TOX: variants seen among roughly 807,000 people sequenced by gnomAD.
The protein encoded by TOX is thymocyte selection associated high mobility group box, also known as thymocyte selection-associated high mobility group box protein TOX.
A neutral mutation model predicts 53.7 loss-of-function variants in TOX; 11 were observed. The observed-to-expected ratio is 0.20, with a 90% confidence interval of 0.13 to 0.34. TOX has a LOEUF of 0.34. Among genes scored for constraint, TOX ranks in the 10% least tolerant of loss-of-function variants. TOX has a pLI of 1.00. For synonymous variants in TOX, 225 were observed against 245.3 expected (o/e 0.92, Z 0.77); for missense variants, 570 against 664.6 (o/e 0.86, Z 1.56).
intron 3 of TOX, among the ~76,000 whole-genome samples, chr8:58,863,284 A>G (rs538254938): frequency 1.4e-4 from 22 of 152,154 alleles, no homozygotes; most frequent in Non-Finnish European, 3.1e-4. Flanking sequence ...TCCTCATATC[A>G]GTTTCCTCAA....
chr8:58,853,089 A>C (rs11998693), intron 3 of TOX, among the ~76,000 whole-genome samples: 25,430 of 152,040 alleles, frequency 0.17, 4,152 homozygotes, highest in African/African-American at 0.42. Flanking sequence ...CACAGCCCCC[A>C]TGTGTGCCCT....
At chr8:59,069,295 C>T (rs1018103261) in intron 1 of TOX, among the ~76,000 whole-genome samples, 6 of 152,110 alleles carry the variant, frequency 3.9e-5, no homozygotes, top group African/African-American at 1.4e-4. Flanking sequence ...AGGATCCCTC[C>T]GTGGATGCTG....
At chr8:58,907,113 G>A (rs936452468) in intron 3 of TOX, among the ~76,000 whole-genome samples, 3 of 152,164 alleles carry the variant, frequency 2.0e-5, no homozygotes, top group Non-Finnish European at 4.4e-5. Flanking sequence ...AGGTTTCTCC[G>A]ACTTCTCCAT....
At chr8:59,053,690 G>C (rs1354969419) in intron 1 of TOX, among the ~76,000 whole-genome samples, 1 of 152,176 alleles carries the variant, frequency 6.6e-6, no homozygotes, top group Non-Finnish European at 1.5e-5. Context: ...CAATGTGTAA[G>C]TGGTATTGTG....
chr8:58,850,997 T>C (rs1048291246), intron 4 of TOX, among the ~76,000 whole-genome samples: 1 of 152,090 alleles, frequency 6.6e-6, no homozygotes, highest in Non-Finnish European at 1.5e-5. Flanking sequence ...AACAACTATA[T>C]TGGTAAGGCG....
intron 3 of TOX, among the ~76,000 whole-genome samples, chr8:58,905,506 G>T (rs897707132): frequency 6.6e-5 from 10 of 152,198 alleles, no homozygotes; most frequent in Admixed American, 2.0e-4. Flanking sequence ...CACTTATGCT[G>T]TCAGAGAGTG....
At chr8:59,071,587 GAT>G (rs762814341) in intron 1 of TOX, among the ~76,000 whole-genome samples, 9 of 152,188 alleles carry the variant, frequency 5.9e-5, no homozygotes, top group Non-Finnish European at 1.2e-4. Context: ...AGAATTAAGA[GAT>G]AGCCAAACTT....
At chr8:58,952,990 G>C (rs974737369) in intron 2 of TOX, among the ~76,000 whole-genome samples, 1 of 152,050 alleles carries the variant, frequency 6.6e-6, no homozygotes, top group African/African-American at 2.4e-5. Flanking sequence ...TGGCGAGGTT[G>C]ATATAAAACA....
intron 7 of TOX, among the ~76,000 whole-genome samples, chr8:58,811,060 G>A (rs2129163846): frequency 6.6e-6 from 1 of 152,218 alleles, no homozygotes; most frequent in East Asian, 1.9e-4. Flanking sequence ...AAACATACAA[G>A]CAAAGCCTGA....
At chr8:58,872,906 C>T (rs1045812876) in intron 3 of TOX, among the ~76,000 whole-genome samples, 6 of 152,134 alleles carry the variant, frequency 3.9e-5, no homozygotes, top group African/African-American at 1.2e-4. Context: ...TTAATTGTGA[C>T]ACATATATCA....
chr8:58,928,935 GTT>G (rs1812211400), intron 3 of TOX, among the ~76,000 whole-genome samples: 2 of 152,080 alleles, frequency 1.3e-5, no homozygotes, highest in South Asian at 4.1e-4. Context: ...TGTTTACAGG[GTT>G]GGATCATATT....
intron 1 of TOX, among the ~76,000 whole-genome samples, chr8:59,019,817 C>T (rs553524525): frequency 1.1e-4 from 16 of 152,214 alleles, no homozygotes; most frequent in Admixed American, 8.5e-4. Context: ...TCATTTCACT[C>T]GGTGAGCAGT....
At chr8:58,950,494 G>A (rs971030876) in intron 2 of TOX, among the ~76,000 whole-genome samples, 2 of 152,058 alleles carry the variant, frequency 1.3e-5, no homozygotes, top group African/African-American at 4.8e-5. Flanking sequence ...CTACTCCCAG[G>A]GAAGAATTGT....
At chr8:58,810,396 A>G (rs1170479043) in intron 7 of TOX, among the ~76,000 whole-genome samples, 2 of 152,138 alleles carry the variant, frequency 1.3e-5, no homozygotes, top group African/African-American at 4.8e-5. Flanking sequence ...GCTGGAGTGC[A>G]ATGGCACCAT....
chr8:59,107,046 TGGGG>T (rs560703991), intron 1 of TOX, among the ~76,000 whole-genome samples: 1 of 58,206 alleles, frequency 1.7e-5, no homozygotes, highest in Non-Finnish European at 3.1e-5. Context: ...AGCAGTTTGC[TGGGG>T]GGGGGGGGAA....
chr8:58,815,109 G>T (rs1810151461), intron 7 of TOX, among the ~76,000 whole-genome samples: 1 of 152,194 alleles, frequency 6.6e-6, no homozygotes. Context: ...ATTATGAAAA[G>T]AAGTGACTGT....
chr8:59,029,590 G>A (rs1400330937), intron 1 of TOX, among the ~76,000 whole-genome samples: 2 of 152,188 alleles, frequency 1.3e-5, no homozygotes, highest in Non-Finnish European at 2.9e-5. Context: ...CAAGGTGGAA[G>A]AGAAATGGAG....
chr8:58,826,960 A>T (rs1267024779), intron 5 of TOX, 58 bp from the exon 6 acceptor site: 1 of 1,430,882 alleles, frequency 7.0e-7, no homozygotes, highest in Non-Finnish European at 9.7e-7. Flanking sequence ...GTTTTCAGAG[A>T]AGTACAATAT....
chr8:58,990,690 G>T (rs544455671), intron 1 of TOX, among the ~76,000 whole-genome samples: 4 of 152,274 alleles, frequency 2.6e-5, no homozygotes, highest in South Asian at 4.1e-4. Context: ...GCATCCCAGA[G>T]GTCTGCAGGT....
Sources: allele counts gnomAD v4.1 joint callset (sites outside exome capture counted in the v4.1 genomes callset), GRCh38; gene constraint gnomAD v4.1.1; transcripts MANE v1.5; gene names NCBI Gene and HGNC (gene_info 2026-07-23, HGNC 2026-07-21).